SLC9A4: variants seen among roughly 807,000 people sequenced by gnomAD.
SLC9A4 encodes solute carrier family 9 member A4.
SLC9A4 carries 63 observed loss-of-function variants against 67.4 expected under a neutral mutation model. That is an observed-to-expected ratio of 0.93 (90% CI 0.76 to 1.15). The LOEUF is 1.15. SLC9A4 is among the 50% of genes most tolerant of loss of function. SLC9A4 has a pLI of 0.00. For synonymous variants in SLC9A4, 393 were observed against 367.2 expected, an observed-to-expected ratio of 1.07 and a Z score of -0.80; for missense variants, 1,089 against 987.7, an observed-to-expected ratio of 1.10 and a Z score of -1.38.
intron 10 of SLC9A4, 97 bp from the exon 11 acceptor site, chr2:102,526,162 A>G: frequency 7.8e-7 from 1 of 1,289,250 alleles, no homozygotes; most frequent in East Asian, 2.5e-5. Context: ...TGCTGGGATT[A>G]CAGGCGTGAG....
At chr2:102,477,124 C>T (rs1684350972) in intron 1 of SLC9A4, among the ~76,000 whole-genome samples, 1 of 152,164 alleles carries the variant, frequency 6.6e-6, no homozygotes, top group South Asian at 2.1e-4. Flanking sequence ...GCTGGAAGTC[C>T]ACCGCCTTCC....
At chr2:102,496,276 G>A (rs145353061) in intron 2 of SLC9A4, among the ~76,000 whole-genome samples, 14 of 152,224 alleles carry the variant, frequency 9.2e-5, no homozygotes, top group East Asian at 1.9e-4. Context: ...GAAAATATGC[G>A]CAACATAGTA....
chr2:102,511,293 A>T (rs920061556), intron 6 of SLC9A4, among the ~76,000 whole-genome samples: 1 of 152,174 alleles, frequency 6.6e-6, no homozygotes, highest in Non-Finnish European at 1.5e-5. Context: ...ACAGATAAGG[A>T]TAAGTAGTGA....
At chr2:102,481,543 T>C (rs1684461927) in intron 2 of SLC9A4, among the ~76,000 whole-genome samples, 1 of 152,214 alleles carries the variant, frequency 6.6e-6, no homozygotes, top group Non-Finnish European at 1.5e-5. Context: ...AGTATAAGTA[T>C]GTCATATCCC....
chr2:102,504,303 TGGCCTCCCAAA>T (rs1355287435), intron 3 of SLC9A4, among the ~76,000 whole-genome samples: 1 of 152,124 alleles, frequency 6.6e-6, no homozygotes, highest in East Asian at 1.9e-4. Context: ...CTGCCCGCCT[TGGCCTCCCAAA>T]GTGGAAAAGT....
At chr2:102,476,488 G>C (rs1684335210) in intron 1 of SLC9A4, among the ~76,000 whole-genome samples, 1 of 152,218 alleles carries the variant, frequency 6.6e-6, no homozygotes, top group African/African-American at 2.4e-5. Context: ...TGCTACAACT[G>C]TGTAGAGAGC....
At chr2:102,505,070 C>G (rs1456127731) in intron 3 of SLC9A4, among the ~76,000 whole-genome samples, 184 bp from the exon 4 acceptor site, 2 of 146,786 alleles carry the variant, frequency 1.4e-5, no homozygotes, top group African/African-American at 2.6e-5. Context: ...TTGTAAAGAT[C>G]TCTTAGGGAG....
intron 2 of SLC9A4, among the ~76,000 whole-genome samples, chr2:102,495,441 T>G (rs1289444372): frequency 6.6e-6 from 1 of 152,084 alleles, no homozygotes; most frequent in Non-Finnish European, 1.5e-5. Flanking sequence ...TTTCTCCTAT[T>G]TGATCTATAG....
At position 102,532,330 on chromosome 2, in the gene SLC9A4, A is replaced by G; in HGVS notation, c.2039A>G (p.Asp680Gly). ...GRDTRAAGFS[D>G]DDSSDPGSPS... ...CCTTCTTGCCATGATGTTTTCCTAG[A>G]TGATGACAGCAGTGATCCAGGATCC... Residue 680 changes from aspartate to glycine, a missense_variant and splice_region_variant, in exon 12 of 12, where the codon GAT (aspartate) becomes GGT (glycine). Coordinates refer to ENST00000295269, the MANE Select transcript of SLC9A4 (RefSeq NM_001011552.4). 1 of 1,609,370 alleles carries G rather than the reference A, an allele frequency of 6.2e-7. No individual in the cohort carries two copies. The highest frequency in any genetic ancestry group is 8.5e-7 in the Non-Finnish European group (1 of 1,177,134).
intron 2 of SLC9A4, among the ~76,000 whole-genome samples, chr2:102,499,266 A>T (rs1375407368): frequency 6.7e-6 from 1 of 150,084 alleles, no homozygotes; most frequent in Admixed American, 6.7e-5. Flanking sequence ...GATGATAGAC[A>T]GCAGATGGAT....
intron 4 of SLC9A4, among the ~76,000 whole-genome samples, chr2:102,506,553 T>A (rs1351772069): frequency 6.6e-6 from 1 of 152,196 alleles, no homozygotes; most frequent in African/African-American, 2.4e-5. Context: ...TTATCTTAAA[T>A]CATTATCACC....
chr2:102,525,973 T>C (rs1674654693), intron 10 of SLC9A4, among the ~76,000 whole-genome samples: 1 of 152,130 alleles, frequency 6.6e-6, no homozygotes, highest in Non-Finnish European at 1.5e-5. Context: ...CTGAAACCTC[T>C]GTCTCCCGGG....
intron 11 of SLC9A4, among the ~76,000 whole-genome samples, chr2:102,531,187 C>T (rs528004292): frequency 4.0e-5 from 6 of 151,514 alleles, no homozygotes; most frequent in Admixed American, 1.3e-4. Context: ...CTCAGCCTCC[C>T]GAGTAGCTGG....
chr2:102,524,030 C>T (rs1674605330), intron 9 of SLC9A4, among the ~76,000 whole-genome samples: 1 of 152,206 alleles, frequency 6.6e-6, no homozygotes, highest in African/African-American at 2.4e-5. Flanking sequence ...CATCTTATCC[C>T]TATTGATTTG....
At chr2:102,528,383 A>G (rs1674708877) in intron 11 of SLC9A4, among the ~76,000 whole-genome samples, 1 of 151,382 alleles carries the variant, frequency 6.6e-6, no homozygotes. Context: ...GTGAGAAAAC[A>G]AGAAAGTGTC....
At chr2:102,506,287 A>T (rs1414813884) in intron 4 of SLC9A4, among the ~76,000 whole-genome samples, 1 of 152,188 alleles carries the variant, frequency 6.6e-6, no homozygotes, top group Non-Finnish European at 1.5e-5. Flanking sequence ...TTTTTAAGTG[A>T]CTTGACTAAT....
intron 11 of SLC9A4, among the ~76,000 whole-genome samples, chr2:102,531,101 C>T (rs1324951253): frequency 3.3e-5 from 4 of 121,230 alleles, no homozygotes; most frequent in South Asian, 5.2e-4. Flanking sequence ...CTTGCTCTGT[C>T]GCCAAATCTG....
At chr2:102,512,101 A>C in intron 6 of SLC9A4, 102 bp from the exon 7 acceptor site, 1 of 1,253,942 alleles carries the variant, frequency 8.0e-7, no homozygotes, top group Admixed American at 2.0e-5. Context: ...TAGGCTCCAG[A>C]AAATTAAAGG....
intron 2 of SLC9A4, among the ~76,000 whole-genome samples, chr2:102,502,945 CCTGTGG>C (rs1468902187): frequency 1.3e-5 from 2 of 152,210 alleles, no homozygotes; most frequent in Non-Finnish European, 2.9e-5. Context: ...ACTTTCAGAG[CCTGTGG>C]CTCAGGCAGG....
Sources: allele counts gnomAD v4.1 joint callset (sites outside exome capture counted in the v4.1 genomes callset), GRCh38; gene constraint gnomAD v4.1.1; transcripts MANE v1.5; gene names NCBI Gene and HGNC (gene_info 2026-07-23, HGNC 2026-07-21).